Variants in HGSNAT observed in about 807,000 individuals in gnomAD.
HGSNAT encodes transmembrane protein 76.
HGSNAT carries 59 observed loss-of-function variants against 85.2 expected under a neutral mutation model. The observed-to-expected ratio is 0.69, with a 90% confidence interval of 0.56 to 0.86. The LOEUF is 0.86. HGSNAT is among the 40% of genes least tolerant of loss of function. HGSNAT has a pLI of 0.00. For synonymous variants in HGSNAT, 321 were observed against 304.5 expected (o/e 1.05, Z -0.56); for missense variants, 756 against 777.1 (o/e 0.97, Z 0.32).
At chr8:43,162,653 G>A (rs1803302428) in intron 5 of HGSNAT, among the ~76,000 whole-genome samples, 1 of 151,862 alleles carries the variant, frequency 6.6e-6, no homozygotes, top group Non-Finnish European at 1.5e-5. Flanking sequence ...CTGGGCTCAG[G>A]TGATTCTCCC....
chr8:43,141,471 C>T (rs890865909), intron 1 of HGSNAT, among the ~76,000 whole-genome samples: 2 of 152,116 alleles, frequency 1.3e-5, no homozygotes, highest in African/African-American at 4.8e-5. Flanking sequence ...GATTCCAGGT[C>T]TCCATCTAGA....
rs145740431 is a variant in HGSNAT at position 43,168,523 on chromosome 8, A to T, written c.564-650A>T. ...GCAATTCTCCTGCCTCAGCCTCCTGAGTAGCTGGGATTACAGGCGTGTACC... is the reference window on the plus strand; with the variant it reads ...GCAATTCTCCTGCCTCAGCCTCCTGTGTAGCTGGGATTACAGGCGTGTACC... On this transcript the variant is annotated intron_variant, in intron 5 of 17. Transcript: ENST00000379644. Among the ~76,000 whole-genome samples the T allele has an allele frequency of 1.3e-3, 199 of 149,116 alleles. 7 individuals carry two copies. The East Asian group carries it at 0.037, about 28-fold the overall frequency.
At chr8:43,154,587 T>A (rs1803030908) in intron 2 of HGSNAT, among the ~76,000 whole-genome samples, 1 of 152,186 alleles carries the variant, frequency 6.6e-6, no homozygotes. Flanking sequence ...CTTAATCCAG[T>A]CTATCATTGT....
chr8:43,154,831 C>T (rs949536629), intron 2 of HGSNAT, among the ~76,000 whole-genome samples: 1 of 152,198 alleles, frequency 6.6e-6, no homozygotes, highest in African/African-American at 2.4e-5. Flanking sequence ...GTTCCTATTT[C>T]TCCACATCCT....
At position 43,201,890 on chromosome 8, in the gene HGSNAT, C is replaced by T. The variant is rs1804927884; in HGVS notation, c.*2321C>T. On this transcript the variant is annotated 3_prime_UTR_variant, in exon 18 of 18. Transcript: ENST00000379644. This position sits in a 1 kb window ranked among gnomAD's most constrained non-coding sequence, Gnocchi z 4.4. Reference sequence around the variant, plus strand: ...AAGATGAGCATGTATCCGGGGTGCCCATGAAATGTTCTTGGGGCCGTGTGG... The same window carrying T: ...AAGATGAGCATGTATCCGGGGTGCCTATGAAATGTTCTTGGGGCCGTGTGG... The T allele has an allele frequency of 6.6e-6, 1 of 152,206 alleles. No homozygotes were observed. The highest frequency in any genetic ancestry group is 1.5e-5 in the Non-Finnish European group (1 of 68,042). 9.4% of individuals were successfully genotyped at this position (152,206 alleles called of 1,614,324 possible). A position where few individuals can be genotyped will look rare whatever the true frequency, so the allele number is the denominator to read the frequency against.
At chr8:43,159,174 G>A in intron 4 of HGSNAT, 130 bp downstream of exon 4, 3 of 754,878 alleles carry the variant, frequency 4.0e-6, no homozygotes, top group Non-Finnish European at 6.1e-6. Context: ...GGTCATTGAT[G>A]AGCACCACTC....
chr8:43,187,917 G>C (rs1804376568), intron 11 of HGSNAT, among the ~76,000 whole-genome samples: 1 of 152,164 alleles, frequency 6.6e-6, no homozygotes, highest in African/African-American at 2.4e-5. Flanking sequence ...AGTTTGGCTG[G>C]ATATGAAATT....
chr8:43,176,085 T>A (rs976369788), intron 9 of HGSNAT, among the ~76,000 whole-genome samples: 1 of 152,224 alleles, frequency 6.6e-6, no homozygotes, highest in Non-Finnish European at 1.5e-5. Context: ...TTTGGTTACT[T>A]GTGCTGTGTG....
intron 17 of HGSNAT, 46 bp from the exon 18 acceptor site, chr8:43,199,342 A>T (rs1804841126): frequency 7.6e-7 from 1 of 1,322,264 alleles, no homozygotes; most frequent in Non-Finnish European, 1.1e-6. Context: ...GTTAGATGTG[A>T]CTCATCTGTG....
In HGSNAT at chr8:43,193,786, C is replaced by T. The variant is rs1357851561; in HGVS notation, c.1407C>T (p.Asp469=). The part of the protein sequence containing the change: ...AVLYHTEVAY[D]PEGILGTINS... ...TTTACCACACCGAGGTGGCCTATGA[C>T]CCCGAGGGCATCCTGGGCACCATCA... Residue 469 remains aspartate (D), a synonymous_variant, in exon 14 of 18, where the codon GAC becomes GAT. Coordinates refer to ENST00000379644, the MANE Select transcript of HGSNAT (RefSeq NM_152419.3). 8 of 1,613,704 alleles carry T rather than the reference C, an allele frequency of 5.0e-6. No homozygotes were observed. Among genetic ancestry groups the T allele is most frequent in the Non-Finnish European group, 5.9e-6 (7 of 1,179,766 alleles).
chr8:43,168,850 C>A (rs1291298788), intron 5 of HGSNAT, among the ~76,000 whole-genome samples: 1 of 152,052 alleles, frequency 6.6e-6, no homozygotes, highest in African/African-American at 2.4e-5. Flanking sequence ...CAAGTTTTTG[C>A]TATTTTAATT....
At chr8:43,148,323 TATTTATATTTA>T (rs530445013) in intron 2 of HGSNAT, among the ~76,000 whole-genome samples, 1 of 151,368 alleles carries the variant, frequency 6.6e-6, no homozygotes, top group African/African-American at 2.4e-5. Flanking sequence ...TTTTAATTTA[TATTTATATTTA>T]ATTTATATTA....
At chr8:43,171,414 T>C (rs1317732633) in intron 7 of HGSNAT, among the ~76,000 whole-genome samples, 1 of 152,256 alleles carries the variant, frequency 6.6e-6, no homozygotes, top group Admixed American at 6.5e-5. Context: ...GTCACTGTTC[T>C]AACTCGTCTT....
intron 13 of HGSNAT, 149 bp downstream of exon 13, chr8:43,192,579 CT>C: frequency 1.1e-6 from 1 of 879,168 alleles, no homozygotes; most frequent in Non-Finnish European, 1.7e-6. Context: ...AACTTAATGA[CT>C]TTAGGGATCA....
At position 43,192,342 on chromosome 8, in the gene HGSNAT, A is replaced by G. The variant is rs1248633532; in HGVS notation, c.1289A>G (p.Lys430Arg). 6.2e-7 allele frequency: 1 copy of G among 1,611,054 alleles called. No homozygotes were observed. ...CCTGGGGGCATTGGAGATTTTGGCAAGTATCCAAATTGCACTGGAGGAGCT... is the reference window on the plus strand; with the variant it reads ...CCTGGGGGCATTGGAGATTTTGGCAGGTATCCAAATTGCACTGGAGGAGCT... ...LGPGGIGDFGKYPNCTGGAAG... is the reference protein window; with the variant it reads ...LGPGGIGDFGRYPNCTGGAAG... The change falls in exon 13 of 18, where the codon AAG (lysine) becomes AGG (arginine). Residue 430 changes from lysine (K) to arginine (R), a missense_variant. Lys to Arg is a conservative substitution (Grantham distance 26, BLOSUM62 2). Transcript: ENST00000379644.
At chr8:43,180,072 C>A (rs1458628878) in intron 10 of HGSNAT, among the ~76,000 whole-genome samples, 1 of 119,256 alleles carries the variant, frequency 8.4e-6, no homozygotes, top group Admixed American at 7.5e-5. Flanking sequence ...CTGACCCCCC[C>A]ACCTCCCTCC....
rs189063591 is a variant in HGSNAT, at chr8:43,155,136, A to G, written c.235-3439A>G. On this transcript the variant is annotated intron_variant, in intron 2 of 17. Transcript: ENST00000379644. The stretch of plus-strand genomic sequence containing the variant: ...TGGATCATGTGGTAGTTCTATTTTA[A>G]TTTTTAGGAACCTTCATATTGTTTC... 4.4e-3 allele frequency among the ~76,000 whole-genome samples: 666 copies of G among 152,226 alleles called. 6 individuals are homozygous for G. Among genetic ancestry groups the G allele is most frequent in the African/African-American group, 0.016 (644 of 41,548 alleles).
At chr8:43,196,336 T>G in intron 14 of HGSNAT, 1 of 476,842 alleles carries the variant, frequency 2.1e-6, no homozygotes, top group Admixed American at 2.9e-5. Context: ...TTCAGAGGGA[T>G]TGTATGTGAA....
intron 1 of HGSNAT, among the ~76,000 whole-genome samples, chr8:43,140,841 A>T (rs1036733783): frequency 6.6e-6 from 1 of 151,688 alleles, no homozygotes; most frequent in South Asian, 2.1e-4. Flanking sequence ...GGCGGTTCGG[A>T]CCGCGGCGGA....
Sources: gnomAD v4.1 joint callset for allele counts (sites outside exome capture counted in the v4.1 genomes callset) on GRCh38, gnomAD v4.1.1 for gene constraint, Gnocchi (gnomAD v3.1) non-coding constraint, MANE v1.5 for transcripts, NCBI Gene and HGNC (gene_info 2026-07-23, HGNC 2026-07-21) for gene names.